The following TAF4B variants were observed in gnomAD, a reference collection of about 807,000 sequenced individuals.
TAF4B encodes TATA-box binding protein associated factor 4b.
TAF4B carries 38 observed loss-of-function variants against 86.4 expected under a neutral mutation model. The ratio of observed to expected loss-of-function variants is 0.44; its 90% CI spans 0.34 to 0.58. The LOEUF is 0.58. Among genes scored for constraint, TAF4B ranks in the 20% least tolerant of loss-of-function variants. The pLI is 0.02. For missense variants in TAF4B, 988 were observed against 1,027.6 expected (o/e 0.96, Z 0.53); for synonymous variants, 388 against 391.2 (o/e 0.99, Z 0.10).
At chr18:26,327,204 G>C in intron 12 of TAF4B, 64 bp downstream of exon 12, 1 of 1,550,496 alleles carries the variant, frequency 6.4e-7, no homozygotes, top group Non-Finnish European at 8.7e-7. Context: ...TGGCTTTATC[G>C]TTGGTTGACT....
chr18:26,354,760 T>C (rs1193214075), intron 13 of TAF4B, among the ~76,000 whole-genome samples: 1 of 152,238 alleles, frequency 6.6e-6, no homozygotes, highest in Non-Finnish European at 1.5e-5. Context: ...TGTTAACCTA[T>C]GTGTCTGTCC....
At chr18:26,319,715 G>T (rs1453040447) in intron 10 of TAF4B, among the ~76,000 whole-genome samples, 1 of 151,934 alleles carries the variant, frequency 6.6e-6, no homozygotes, top group African/African-American at 2.4e-5. Flanking sequence ...TCAACCTCTC[G>T]TGTAGCTCGG....
chr18:26,229,962 AAAATAT>A (rs1568088622), intron 1 of TAF4B, among the ~76,000 whole-genome samples: 1 of 149,486 alleles, frequency 6.7e-6, no homozygotes, highest in Non-Finnish European at 1.5e-5. Flanking sequence ...GTTTAAAAAA[AAAATAT>A]ATATATATAT....
intron 14 of TAF4B, among the ~76,000 whole-genome samples, chr18:26,379,733 G>C (rs768719280): frequency 4.6e-5 from 7 of 151,950 alleles, no homozygotes; most frequent in Non-Finnish European, 7.4e-5. Flanking sequence ...AAATGTCTAG[G>C]TATTCTTTAT....
rs58691265 is a variant in TAF4B, at chr18:26,315,095, ACTCTCTCT to A, written c.1833-91_1833-84del. On this transcript the variant is annotated intron_variant, in intron 9 of 14. Coordinates refer to ENST00000269142, the MANE Select transcript of TAF4B (RefSeq NM_005640.3). Reference sequence around the variant, plus strand: ...ACCTCTAATTCTTTTGCTCTCTGAAACTCTCTCTCTCTCTCTCTCTCTCTCTCTCTCTC... The same window carrying A: ...ACCTCTAATTCTTTTGCTCTCTGAAACTCTCTCTCTCTCTCTCTCTCTCTC... 355 of 220,208 alleles carry A rather than the reference ACTCTCTCT, an allele frequency of 1.6e-3. 1 individual carries two copies. Among genetic ancestry groups the A allele is most frequent in the Admixed American group, 0.01 (92 of 8,812 alleles). 13.6% of individuals were successfully genotyped at this position (220,208 alleles called of 1,614,324 possible).
intron 8 of TAF4B, 28 bp from the exon 9 acceptor site, chr18:26,293,398 T>G (rs779420559): frequency 1.3e-6 from 2 of 1,510,758 alleles, no homozygotes; most frequent in Non-Finnish European, 1.8e-6. Flanking sequence ...TTTTTTGTAT[T>G]CTATTTTTTC....
chr18:26,254,735 C>T (rs569651978), intron 1 of TAF4B, among the ~76,000 whole-genome samples: 7 of 152,266 alleles, frequency 4.6e-5, no homozygotes, highest in African/African-American at 1.7e-4. Flanking sequence ...CGTGCCATTT[C>T]CCTAAGAGGA....
chr18:26,353,274 C>T (rs1365516935), intron 13 of TAF4B, among the ~76,000 whole-genome samples: 1 of 152,106 alleles, frequency 6.6e-6, no homozygotes, highest in Non-Finnish European at 1.5e-5. Flanking sequence ...GTATATTATA[C>T]TCTAGAAATG....
In TAF4B at chr18:26,227,047, T is replaced by C; in HGVS notation, c.114T>C (p.Thr38=). 1 of 1,574,576 alleles carries C rather than the reference T, an allele frequency of 6.4e-7. No individual in the cohort carries two copies. Among genetic ancestry groups the C allele is most frequent in the South Asian group, 1.1e-5 (1 of 88,154 alleles). Residue 38 remains threonine, a synonymous_variant, in exon 1 of 15, where the codon ACT becomes ACC. Coordinates refer to ENST00000269142, the MANE Select transcript of TAF4B (RefSeq NM_005640.3). The part of the protein sequence containing the change: ...AGALPVRVES[T]PVALGAVTKA... The stretch of plus-strand genomic sequence containing the variant: ...CGCTGCCGGTGCGGGTGGAGAGCAC[T>C]CCGGTGGCCCTGGGCGCCGTGACTA...
At chr18:26,309,842 T>G (rs959765507) in intron 9 of TAF4B, among the ~76,000 whole-genome samples, 1 of 152,286 alleles carries the variant, frequency 6.6e-6, no homozygotes, top group Non-Finnish European at 1.5e-5. Flanking sequence ...TTATTTTTTA[T>G]TTTTGAGATG....
At chr18:26,351,994 G>T (rs568960362) in intron 13 of TAF4B, among the ~76,000 whole-genome samples, 1 of 152,068 alleles carries the variant, frequency 6.6e-6, no homozygotes, top group Non-Finnish European at 1.5e-5. Context: ...TATGTATATT[G>T]TAATCCCTAG....
At chr18:26,269,572 T>C (rs1313793878) in intron 3 of TAF4B, among the ~76,000 whole-genome samples, 1 of 152,190 alleles carries the variant, frequency 6.6e-6, no homozygotes, top group Non-Finnish European at 1.5e-5. Context: ...CTTCTTTTGG[T>C]GTTCCAAACT....
rs12454778 is a variant in TAF4B, at chr18:26,295,233, G to A, written c.1832+1702G>A. On this transcript the variant is annotated intron_variant, in intron 9 of 14. Coordinates refer to ENST00000269142, the MANE Select transcript of TAF4B (RefSeq NM_005640.3). ...TGCGTATATTAAAATGTTCACCATC[G>A]GTCTTTTTTTCTGTCGTGTTCTGTC... 2.6e-3 allele frequency: 1,040 copies of A among 398,580 alleles called. 16 individuals carry two copies. The Admixed American group carries it at 0.027, about 10-fold the overall frequency. 24.7% of individuals were successfully genotyped at this position (398,580 alleles called of 1,614,324 possible).
chr18:26,244,872 A>C (rs2055898471), intron 1 of TAF4B, among the ~76,000 whole-genome samples: 1 of 152,210 alleles, frequency 6.6e-6, no homozygotes, highest in Non-Finnish European at 1.5e-5. Context: ...TAGATAGGAT[A>C]GATGGGTGAG....
chr18:26,351,620 A>T (rs910154792), intron 13 of TAF4B, among the ~76,000 whole-genome samples: 1 of 152,216 alleles, frequency 6.6e-6, no homozygotes, highest in African/African-American at 2.4e-5. Context: ...AATATGTACA[A>T]TTATATGTCA....
chr18:26,274,897 T>A (rs1246954682), intron 4 of TAF4B, 34 bp from the exon 5 acceptor site: 2 of 1,612,452 alleles, frequency 1.2e-6, no homozygotes, highest in African/African-American at 2.7e-5. Context: ...TCACTAACAC[T>A]TGTGTTTGCT....
intron 13 of TAF4B, among the ~76,000 whole-genome samples, chr18:26,349,539 G>A (rs913299192): frequency 4.6e-5 from 7 of 152,076 alleles, no homozygotes; most frequent in African/African-American, 1.7e-4. Context: ...AAACGCTAAT[G>A]AAAGAAACTG....
At chr18:26,261,821 C>T (rs911890005) in intron 1 of TAF4B, among the ~76,000 whole-genome samples, 8 of 152,198 alleles carry the variant, frequency 5.3e-5, no homozygotes, top group African/African-American at 1.4e-4. Flanking sequence ...CTACCAGCCT[C>T]GTCTTAATTG....
Position 26,381,725 on chromosome 18 carries a change from CTAAATAAATAAA to C in TAF4B, c.2422-8086_2422-8075del, listed in dbSNP as rs59018457. On this transcript the variant is annotated intron_variant, in intron 14 of 14. Transcript: ENST00000269142. ...CTGGGCAATGAGCGAAACTCCGCCT[CTAAATAAATAAA>C]TAAATAAATAAATAAATAAATAAAT... Among the ~76,000 whole-genome samples the C allele has an allele frequency of 6.8e-3, 977 of 144,154 alleles. 7 individuals are homozygous for C. The highest frequency in any genetic ancestry group is 0.017 in the African/African-American group (653 of 38,830). The allele number at this position is 144,154 out of a possible 152,430, so 94.6% of individuals were successfully genotyped here.
Sources: allele counts gnomAD v4.1 joint callset (sites outside exome capture counted in the v4.1 genomes callset), GRCh38; gene constraint gnomAD v4.1.1; transcripts MANE v1.5; gene names NCBI Gene and HGNC (gene_info 2026-07-23, HGNC 2026-07-21).